The following MAP3K3 variants were observed in gnomAD, a reference collection of about 807,000 sequenced individuals.
The protein encoded by MAP3K3 is MAP/ERK kinase kinase 3.
A neutral mutation model predicts 80.9 loss-of-function variants in MAP3K3; 12 were observed. The observed-to-expected ratio is 0.15, with a 90% confidence interval of 0.10 to 0.24. The LOEUF (loss-of-function observed/expected upper bound fraction) is 0.24, where lower values mean the gene tolerates loss of function less well. Ranked by LOEUF, MAP3K3 falls within the 10% of genes least tolerant of loss-of-function variation. The probability of loss-of-function intolerance (pLI) is 1.00; values close to 1 mark genes in which losing one functional copy is unlikely to be tolerated. For synonymous variants in MAP3K3, 272 were observed against 307.1 expected, an observed-to-expected ratio of 0.89 and a Z score of 1.19; for missense variants, 596 against 834.7, an observed-to-expected ratio of 0.71 and a Z score of 3.52.
chr17:63,656,340 C>A (rs954299757), intron 4 of MAP3K3, among the ~76,000 whole-genome samples: 2 of 151,658 alleles, frequency 1.3e-5, no homozygotes, highest in African/African-American at 4.8e-5. Flanking sequence ...TGGTGGCTCA[C>A]TCCTGTAATC....
chr17:63,677,226 C>A (rs2035237989), intron 6 of MAP3K3, among the ~76,000 whole-genome samples: 1 of 152,204 alleles, frequency 6.6e-6, no homozygotes, highest in Non-Finnish European at 1.5e-5. Context: ...AAAGCCTGAT[C>A]TGAACCCACG....
chr17:63,634,853 C>G (rs2034290497), intron 2 of MAP3K3: 1 of 1,437,004 alleles, frequency 7.0e-7, no homozygotes. Context: ...AAATCTGCTA[C>G]TCATGCTGCA....
intron 7 of MAP3K3, chr17:63,682,500 G>A (rs1462151101): frequency 2.6e-5 from 4 of 152,230 alleles, no homozygotes; most frequent in Non-Finnish European, 4.4e-5. Context: ...TCTGCTGAGG[G>A]TCACACAAGA....
At position 63,622,779 on chromosome 17, in the gene MAP3K3, GC is replaced by G; in HGVS notation, c.4+20del. On this transcript the variant is annotated intron_variant, in intron 1 of 15. Coordinates refer to ENST00000361733, the MANE Select transcript of MAP3K3 (RefSeq NM_002401.5). ...GCCACCATGGGTAAGTGTCGCCACC[GC>G]CCCGGCCTGTGCCCGCGCTGCTTCG... The G allele has an allele frequency of 7.8e-6, 4 of 515,514 alleles. No individual in the cohort carries two copies. The highest frequency in any genetic ancestry group is 1.6e-5 in the South Asian group (1 of 63,900). The allele number at this position is 515,514 out of a possible 1,614,324, so 31.9% of individuals were successfully genotyped here. A position where few individuals can be genotyped will look rare whatever the true frequency, so the allele number is the denominator to read the frequency against.
intron 6 of MAP3K3, among the ~76,000 whole-genome samples, chr17:63,679,132 G>A (rs759988158): frequency 2.0e-4 from 31 of 152,096 alleles, no homozygotes; most frequent in African/African-American, 5.6e-4. Context: ...CAGGCATGGG[G>A]GCCCATGCCT....
At chr17:63,647,221 G>C (rs1197220740) in intron 3 of MAP3K3, among the ~76,000 whole-genome samples, 1 of 152,192 alleles carries the variant, frequency 6.6e-6, no homozygotes, top group Non-Finnish European at 1.5e-5. Context: ...TGCAGAGCCA[G>C]GGTCCTTCTG....
chr17:63,687,736 T>A (rs2035487621), intron 8 of MAP3K3, among the ~76,000 whole-genome samples: 1 of 149,438 alleles, frequency 6.7e-6, no homozygotes, highest in Non-Finnish European at 1.5e-5. Flanking sequence ...ATGCCTGTAG[T>A]CCCAGCATTT....
intron 8 of MAP3K3, among the ~76,000 whole-genome samples, chr17:63,687,015 A>G (rs1442118472): frequency 6.6e-6 from 1 of 152,148 alleles, no homozygotes; most frequent in Admixed American, 6.6e-5. Flanking sequence ...ATTAAGGTGA[A>G]AGAAAGATGC....
Position 63,692,538 on chromosome 17 carries a change from GCA to G in MAP3K3, c.1652+120_1652+121del. ...AGGGAGTGTGCCCAGGGCCCAGGCT[GCA>G]GTGTGTGCAAGGGTATTATTGGGTG... On this transcript the variant is annotated intron_variant, in intron 15 of 15. Transcript: ENST00000361733. The surrounding 1 kb of genome is among the most constrained non-coding windows in gnomAD (Gnocchi z 4.5). 9.5e-7 allele frequency: 1 copy of G among 1,051,870 alleles called. No individual in the cohort carries two copies. Among genetic ancestry groups the G allele is most frequent in the Non-Finnish European group, 1.3e-6 (1 of 741,190 alleles). The allele number at this position is 1,051,870 out of a possible 1,614,324, so 65.2% of individuals were successfully genotyped here.
At chr17:63,683,925 G>C (rs539427145) in intron 7 of MAP3K3, among the ~76,000 whole-genome samples, 40 of 152,202 alleles carry the variant, frequency 2.6e-4, no homozygotes, top group Middle Eastern at 3.4e-3. Context: ...GGGAGGCCAA[G>C]GCAGGAGGAT....
At position 63,691,253 on chromosome 17, in the gene MAP3K3, A is replaced by C. The variant is rs955766664; in HGVS notation, c.1344+20A>C. 3 of 1,613,764 alleles carry C rather than the reference A, an allele frequency of 1.9e-6. No individual in the cohort carries two copies. In the African/African-American group the frequency reaches 4.0e-5, roughly 22 times the overall value. On this transcript the variant is annotated intron_variant, in intron 13 of 15. Transcript: ENST00000361733. The surrounding 1 kb of genome is among the most constrained non-coding windows in gnomAD (Gnocchi z 4.8). Reference sequence around the variant, plus strand: ...CCAGGGGTACGTGCCCCTTGAATGCATGTGAGACACACACAAAAGAGGGCC... The same window carrying C: ...CCAGGGGTACGTGCCCCTTGAATGCCTGTGAGACACACACAAAAGAGGGCC...
At chr17:63,631,893 A>G (rs2143171555) in intron 1 of MAP3K3, among the ~76,000 whole-genome samples, 1 of 152,272 alleles carries the variant, frequency 6.6e-6, no homozygotes. Context: ...CTTGTAAAAC[A>G]ACTTCTGTTC....
intron 6 of MAP3K3, among the ~76,000 whole-genome samples, chr17:63,672,368 G>A (rs1224469552): frequency 6.6e-6 from 1 of 151,942 alleles, no homozygotes; most frequent in East Asian, 1.9e-4. Flanking sequence ...TTGTGGAGAT[G>A]AATAAATGGC....
In MAP3K3 at chr17:63,692,233, A is replaced by C; in HGVS notation, c.1475-9A>C. The C allele has an allele frequency of 1.9e-6, 3 of 1,613,626 alleles. No individual in the cohort carries two copies. Among genetic ancestry groups the C allele is most frequent in the Non-Finnish European group, 2.5e-6 (3 of 1,179,938 alleles). On this transcript the variant is annotated splice_polypyrimidine_tract_variant and intron_variant, in intron 14 of 15. Transcript: ENST00000361733. This position sits in a 1 kb window ranked among gnomAD's most constrained non-coding sequence, Gnocchi z 4.5. ...CCAGGGTTGCAGCCTCTGCCCTTTC[A>C]TGCCTCAGGAGCCAACATCCTCCGA...
chr17:63,636,650 A>C lies in MAP3K3; in HGVS notation c.126+3848A>C, dbSNP rs547109246. ...CCTGGCCACAGGGACACAGCCACGCAGATCCAGCATGTGTCTCCCATGTGC... is the reference window on the plus strand; with the variant it reads ...CCTGGCCACAGGGACACAGCCACGCCGATCCAGCATGTGTCTCCCATGTGC... On this transcript the variant is annotated intron_variant, in intron 2 of 15. Transcript: ENST00000361733. 3.3e-5 allele frequency: 8 copies of C among 241,516 alleles called. No individual in the cohort carries two copies. In the South Asian group the frequency reaches 4.0e-4, roughly 12 times the overall value. 15.0% of individuals were successfully genotyped at this position (241,516 alleles called of 1,614,324 possible). A position where few individuals can be genotyped will look rare whatever the true frequency, so the allele number is the denominator to read the frequency against.
At position 63,689,452 on chromosome 17, in the gene MAP3K3, T is replaced by C; in HGVS notation, c.872-92T>C. ...TGAGACCTGGTTTGTATATTCCGCC[T>C]TGTAGCCCGGGGTGTCTCAGACCTG... is the stretch of plus-strand genomic sequence containing the variant. On this transcript the variant is annotated intron_variant, in intron 10 of 15. Transcript: ENST00000361733. The surrounding 1 kb of genome is among the most constrained non-coding windows in gnomAD (Gnocchi z 4.3). 1 of 1,143,570 alleles carries C rather than the reference T, an allele frequency of 8.7e-7. No homozygotes were observed. Among genetic ancestry groups the C allele is most frequent in the East Asian group, 2.6e-5 (1 of 38,650 alleles). 70.8% of individuals were successfully genotyped at this position (1,143,570 alleles called of 1,614,324 possible).
chr17:63,644,398 T>C (rs1281305175), intron 2 of MAP3K3, among the ~76,000 whole-genome samples: 3 of 152,108 alleles, frequency 2.0e-5, no homozygotes, highest in South Asian at 4.1e-4. Context: ...GTATTTTAAG[T>C]AGAGATGAGG....
chr17:63,622,856 A>G (rs1056744181), intron 1 of MAP3K3, 93 bp downstream of exon 1: 135 of 288,324 alleles, frequency 4.7e-4, no homozygotes, highest in African/African-American at 2.8e-3. Context: ...ACCGCCTGAC[A>G]GGCATGGACA....
At chr17:63,628,285 A>G (rs1489504104) in intron 1 of MAP3K3, among the ~76,000 whole-genome samples, 1 of 152,080 alleles carries the variant, frequency 6.6e-6, no homozygotes, top group African/African-American at 2.4e-5. Flanking sequence ...TAACCATATA[A>G]GCTACTCATA....
Sources: allele counts gnomAD v4.1 joint callset (sites outside exome capture counted in the v4.1 genomes callset), GRCh38; gene constraint gnomAD v4.1.1; non-coding constraint Gnocchi (gnomAD v3.1); transcripts MANE v1.5; gene names NCBI Gene and HGNC (gene_info 2026-07-23, HGNC 2026-07-21).